KCNB2: variants seen among roughly 807,000 people sequenced by gnomAD.
The protein encoded by KCNB2 is potassium voltage-gated channel subfamily B member 2.
A neutral mutation model predicts 61.5 loss-of-function variants in KCNB2; 15 were observed. That is an observed-to-expected ratio of 0.24 (90% CI 0.16 to 0.38). The LOEUF (loss-of-function observed/expected upper bound fraction) is 0.38, where lower values mean the gene tolerates loss of function less well. Among genes scored for constraint, KCNB2 ranks in the 10% least tolerant of loss-of-function variants. KCNB2 has a pLI of 1.00. For missense variants in KCNB2, 828 were observed against 1,125.2 expected, an observed-to-expected ratio of 0.74 and a Z score of 3.78; for synonymous variants, 457 against 446.0, an observed-to-expected ratio of 1.02 and a Z score of -0.31.
chr8:72,844,717 G>A (rs577364718), intron 2 of KCNB2, among the ~76,000 whole-genome samples: 20 of 152,052 alleles, frequency 1.3e-4, no homozygotes, highest in East Asian at 1.9e-4. Flanking sequence ...CCTTTCTTCC[G>A]CTTAATCAAT....
chr8:72,538,903 A>G (rs1338419740), intron 1 of KCNB2, among the ~76,000 whole-genome samples: 1 of 152,194 alleles, frequency 6.6e-6, no homozygotes, highest in Non-Finnish European at 1.5e-5. Flanking sequence ...AACAGCAATC[A>G]ATATATTACA....
chr8:72,634,743 T>G (rs992387255), intron 2 of KCNB2, among the ~76,000 whole-genome samples: 1 of 152,156 alleles, frequency 6.6e-6, no homozygotes, highest in Non-Finnish European at 1.5e-5. Context: ...TAATTTAAAG[T>G]GAAAATTTTG....
chr8:72,914,815 G>C (rs1050170176), intron 2 of KCNB2, among the ~76,000 whole-genome samples: 17 of 152,096 alleles, frequency 1.1e-4, no homozygotes, highest in Non-Finnish European at 2.4e-4. Context: ...ATTGTGTTAA[G>C]TGTTGTAAAG....
intron 2 of KCNB2, among the ~76,000 whole-genome samples, chr8:72,728,472 A>T (rs1807686922): frequency 1.3e-5 from 2 of 152,176 alleles, no homozygotes; most frequent in African/African-American, 4.8e-5. Flanking sequence ...AGTTAAAACA[A>T]AGACTAGATC....
chr8:72,557,793 G>A (rs1806451478), intron 1 of KCNB2, among the ~76,000 whole-genome samples: 1 of 152,126 alleles, frequency 6.6e-6, no homozygotes. Flanking sequence ...AGTTTTTTGA[G>A]GTAGCACTGT....
At chr8:72,663,105 G>T (rs1415109537) in intron 2 of KCNB2, among the ~76,000 whole-genome samples, 1 of 152,098 alleles carries the variant, frequency 6.6e-6, no homozygotes, top group African/African-American at 2.4e-5. Flanking sequence ...CTTTACCGGG[G>T]TTAGCTCATA....
intron 2 of KCNB2, among the ~76,000 whole-genome samples, chr8:72,784,657 C>T (rs77241476): frequency 0.029 from 4,352 of 152,242 alleles, 148 homozygotes; most frequent in African/African-American, 0.077. Context: ...CTCACTATTA[C>T]GAGAACAGCA....
At chr8:72,917,897 G>T (rs1806433440) in intron 2 of KCNB2, among the ~76,000 whole-genome samples, 1 of 152,174 alleles carries the variant, frequency 6.6e-6, no homozygotes, top group South Asian at 2.1e-4. Context: ...GGCAATGGTT[G>T]CTTGGGCAGA....
In KCNB2 at chr8:72,539,389, T is replaced by C. The variant is rs76622224; in HGVS notation, c.-94+1504T>C. 2.9e-3 allele frequency among the ~76,000 whole-genome samples: 435 copies of C among 152,332 alleles called. 2 individuals carry two copies. The highest frequency in any genetic ancestry group is 0.01 in the African/African-American group (417 of 41,590). On this transcript the variant is annotated intron_variant, in intron 1 of 2. Coordinates refer to ENST00000523207, the MANE Select transcript of KCNB2 (RefSeq NM_004770.3). ...TCCTTATCACCTAGAAGAGTTAATA[T>C]GCTTCCACAAAGTAAATACCATAAT... is the stretch of plus-strand genomic sequence containing the variant.
chr8:72,646,878 G>A (rs1439653654), intron 2 of KCNB2, among the ~76,000 whole-genome samples: 1 of 152,132 alleles, frequency 6.6e-6, no homozygotes, highest in Non-Finnish European at 1.5e-5. Flanking sequence ...ATGAGAATAC[G>A]TGTTTATGAG....
intron 1 of KCNB2, among the ~76,000 whole-genome samples, chr8:72,567,049 C>T (rs1339996122): frequency 6.6e-6 from 1 of 152,040 alleles, no homozygotes; most frequent in Non-Finnish European, 1.5e-5. Flanking sequence ...GGGTGAGGTG[C>T]AGCGGCTCAC....
intron 2 of KCNB2, among the ~76,000 whole-genome samples, chr8:72,648,751 G>A (rs912196927): frequency 3.9e-5 from 6 of 151,908 alleles, no homozygotes; most frequent in African/African-American, 1.2e-4. Context: ...AATCTATATT[G>A]AATAATGCAT....
chr8:72,703,657 G>T (rs977296183), intron 2 of KCNB2, among the ~76,000 whole-genome samples: 2 of 152,146 alleles, frequency 1.3e-5, no homozygotes, highest in African/African-American at 4.8e-5. Context: ...CTGTGCCAAG[G>T]TCAGGGTAGG....
At chr8:72,645,495 C>T (rs1293717793) in intron 2 of KCNB2, among the ~76,000 whole-genome samples, 1 of 152,094 alleles carries the variant, frequency 6.6e-6, no homozygotes, top group East Asian at 1.9e-4. Context: ...TCCTGTACTG[C>T]TAAAGGCAGA....
intron 2 of KCNB2, among the ~76,000 whole-genome samples, chr8:72,924,652 A>G (rs1436026953): frequency 1.3e-5 from 2 of 152,200 alleles, no homozygotes; most frequent in East Asian, 1.9e-4. Flanking sequence ...TATAAAAAAA[A>G]GGGCCTCTCT....
chr8:72,598,173 T>A (rs1413640940), intron 2 of KCNB2, among the ~76,000 whole-genome samples: 2 of 151,302 alleles, frequency 1.3e-5, no homozygotes, highest in Non-Finnish European at 2.9e-5. Context: ...ACCAATATCC[T>A]TGATGAACAT....
At chr8:72,892,015 G>A (rs1247559686) in intron 2 of KCNB2, among the ~76,000 whole-genome samples, 6 of 152,120 alleles carry the variant, frequency 3.9e-5, no homozygotes, top group Non-Finnish European at 4.4e-5. Context: ...AGAGCAGCTT[G>A]AAGGAAAGTG....
intron 2 of KCNB2, among the ~76,000 whole-genome samples, chr8:72,832,781 G>T (rs539311606): frequency 6.6e-6 from 1 of 152,296 alleles, no homozygotes; most frequent in East Asian, 1.9e-4. Context: ...GTCCCACAGG[G>T]CAACAGAGAG....
chr8:72,708,599 A>G (rs1240814432), intron 2 of KCNB2, among the ~76,000 whole-genome samples: 1 of 152,208 alleles, frequency 6.6e-6, no homozygotes, highest in African/African-American at 2.4e-5. Context: ...TTAATTATTC[A>G]GACATTTTAC....
Sources: gnomAD v4.1 joint callset for allele counts (sites outside exome capture counted in the v4.1 genomes callset) on GRCh38, gnomAD v4.1.1 for gene constraint, MANE v1.5 for transcripts, NCBI Gene and HGNC (gene_info 2026-07-23, HGNC 2026-07-21) for gene names.